The following CDH4 variants were observed in gnomAD, a reference collection of about 807,000 sequenced individuals.
The protein encoded by CDH4 is cadherin 4, also known as cadherin-4.
In CDH4, 33 loss-of-function variants were observed where a neutral mutation model predicts 86.0. The ratio of observed to expected loss-of-function variants is 0.38; its 90% confidence interval spans 0.29 to 0.51. CDH4 has a LOEUF of 0.51. Among genes scored for constraint, CDH4 ranks in the 20% least tolerant of loss-of-function variants. The pLI is 0.86. For missense variants in CDH4, 1,114 were observed against 1,307.4 expected (o/e 0.85, Z 2.28); for synonymous variants, 555 against 549.4 (o/e 1.01, Z -0.14).
intron 2 of CDH4, among the ~76,000 whole-genome samples, chr20:61,344,941 A>G (rs559776083): frequency 7.2e-5 from 11 of 152,322 alleles, no homozygotes; most frequent in African/African-American, 2.6e-4. Flanking sequence ...ATTGACCCGC[A>G]GACTCGAGTC....
At chr20:61,884,891 G>A (rs1284801853) in intron 7 of CDH4, among the ~76,000 whole-genome samples, 1 of 152,148 alleles carries the variant, frequency 6.6e-6, no homozygotes, top group Non-Finnish European at 1.5e-5. Flanking sequence ...TGCGGGGTTG[G>A]GACACCGGCT....
intron 4 of CDH4, among the ~76,000 whole-genome samples, chr20:61,797,658 A>G (rs1979603037): frequency 6.6e-6 from 1 of 152,132 alleles, no homozygotes; most frequent in African/African-American, 2.4e-5. Context: ...GTGGTGGGGC[A>G]CACCTGTAGT....
chr20:61,414,067 G>A (rs901878772), intron 2 of CDH4, among the ~76,000 whole-genome samples: 1 of 152,158 alleles, frequency 6.6e-6, no homozygotes, highest in South Asian at 2.1e-4. Context: ...TCCTTAAGAG[G>A]ACATCAGTCC....
chr20:61,563,529 TAGC>T (rs1370941285), intron 2 of CDH4, among the ~76,000 whole-genome samples: 4 of 152,196 alleles, frequency 2.6e-5, no homozygotes, highest in Non-Finnish European at 4.4e-5. Flanking sequence ...TGCAGGGTGG[TAGC>T]TGCTGCTCCA....
intron 4 of CDH4, among the ~76,000 whole-genome samples, chr20:61,790,002 G>A (rs145572763): frequency 6.6e-6 from 1 of 152,092 alleles, no homozygotes; most frequent in Admixed American, 6.6e-5. Flanking sequence ...AAAGTATGAC[G>A]GGGTGAACAG....
chr20:61,282,617 GGTGT>G (rs2084265934), intron 2 of CDH4, among the ~76,000 whole-genome samples: 1 of 151,926 alleles, frequency 6.6e-6, no homozygotes, highest in African/African-American at 2.4e-5. Context: ...GGATGAGCAT[GGTGT>G]GTGTGTACAC....
chr20:61,489,353 A>G (rs1298246638), intron 2 of CDH4, among the ~76,000 whole-genome samples: 1 of 151,672 alleles, frequency 6.6e-6, no homozygotes, highest in African/African-American at 2.4e-5. Flanking sequence ...GGTTTTTGCC[A>G]TTACTTGGGT....
intron 2 of CDH4, among the ~76,000 whole-genome samples, chr20:61,497,040 C>T (rs923704773): frequency 6.0e-5 from 9 of 151,054 alleles, no homozygotes; most frequent in Non-Finnish European, 1.2e-4. Flanking sequence ...TAATATCAGC[C>T]GTGAATAAGC....
intron 2 of CDH4, among the ~76,000 whole-genome samples, chr20:61,470,942 A>T (rs2085498509): frequency 6.6e-6 from 1 of 151,996 alleles, no homozygotes; most frequent in Non-Finnish European, 1.5e-5. Context: ...GTTTGCTAGT[A>T]TTTTGTTGAG....
intron 2 of CDH4, among the ~76,000 whole-genome samples, chr20:61,264,941 G>A (rs1357430209): frequency 1.5e-4 from 17 of 110,488 alleles, no homozygotes; most frequent in South Asian, 1.0e-3. Context: ...CCTTCATTCA[G>A]TCCTACACAT....
chr20:61,460,490 C>T (rs942842935), intron 2 of CDH4, among the ~76,000 whole-genome samples: 1 of 152,316 alleles, frequency 6.6e-6, no homozygotes, highest in South Asian at 2.1e-4. Context: ...GGCCCCAGAG[C>T]CCCCGGCCTC....
chr20:61,321,841 C>T (rs1050600364), intron 2 of CDH4, among the ~76,000 whole-genome samples: 55 of 152,174 alleles, frequency 3.6e-4, no homozygotes, highest in African/African-American at 1.3e-3. Flanking sequence ...CAAAGACGCT[C>T]ACCTCATGTT....
chr20:61,853,973 C>T (rs1251558264), intron 6 of CDH4, among the ~76,000 whole-genome samples: 2 of 152,158 alleles, frequency 1.3e-5, no homozygotes, highest in Non-Finnish European at 2.9e-5. Context: ...GTCAGCAAAG[C>T]ACTTTAAAGT....
In CDH4 at chr20:61,600,419, G is replaced by A. The variant is rs544121270; in HGVS notation, c.170-143144G>A. ...TCGGTGCCTGGCAGGGTCCTTCGGG[G>A]TCCTGGCTCTGGGGCCTTGAGGGAG... is the stretch of plus-strand genomic sequence containing the variant. On this transcript the variant is annotated intron_variant, in intron 2 of 15. Coordinates refer to ENST00000614565, the MANE Select transcript of CDH4 (RefSeq NM_001794.5). Among the ~76,000 whole-genome samples the A allele has an allele frequency of 2.6e-5, 4 of 152,352 alleles. No homozygotes were observed. In the East Asian group the frequency reaches 7.7e-4, roughly 29 times the overall value.
At chr20:61,797,289 T>A (rs1046978374) in intron 4 of CDH4, among the ~76,000 whole-genome samples, 2 of 151,906 alleles carry the variant, frequency 1.3e-5, no homozygotes, top group Non-Finnish European at 2.9e-5. Context: ...GCTCACACCA[T>A]CCATTCCCCA....
intron 2 of CDH4, among the ~76,000 whole-genome samples, chr20:61,309,800 G>A (rs529279984): frequency 6.6e-6 from 1 of 152,082 alleles, no homozygotes; most frequent in South Asian, 2.1e-4. Flanking sequence ...TCTAAGTGGT[G>A]AACTAAGCAA....
intron 15 of CDH4, 88 bp from the exon 16 acceptor site, chr20:61,936,649 C>T: frequency 8.8e-7 from 1 of 1,134,086 alleles, no homozygotes; most frequent in Non-Finnish European, 1.2e-6. Context: ...CTCCCTACCT[C>T]TTCTTCTGGG....
intron 7 of CDH4, among the ~76,000 whole-genome samples, chr20:61,882,776 T>C (rs1485478883): frequency 6.6e-6 from 1 of 152,176 alleles, no homozygotes; most frequent in African/African-American, 2.4e-5. Context: ...AAGGGCTGGA[T>C]ATTCCCGAGG....
At chr20:61,778,004 T>C (rs1978344319) in intron 4 of CDH4, among the ~76,000 whole-genome samples, 1 of 152,226 alleles carries the variant, frequency 6.6e-6, no homozygotes, top group Non-Finnish European at 1.5e-5. Flanking sequence ...GTGCACACTA[T>C]ACACACATGC....
Sources: allele counts gnomAD v4.1 joint callset (sites outside exome capture counted in the v4.1 genomes callset), GRCh38; gene constraint gnomAD v4.1.1; transcripts MANE v1.5; gene names NCBI Gene and HGNC (gene_info 2026-07-23, HGNC 2026-07-21).